HERC2: variants seen among roughly 807,000 people sequenced by gnomAD.
HERC2 encodes the protein E3 ubiquitin-protein ligase HERC2.
In HERC2, 102 loss-of-function variants were observed where a neutral mutation model predicts 537.7. The ratio of observed to expected loss-of-function variants is 0.19; its 90% CI spans 0.16 to 0.22. HERC2 has a LOEUF of 0.22. Ranked by LOEUF, HERC2 falls within the 10% of genes least tolerant of loss-of-function variation. The probability of loss-of-function intolerance (pLI) is 1.00; values close to 1 mark genes in which losing one functional copy is unlikely to be tolerated. For missense variants in HERC2, 4,236 were observed against 6,198.2 expected (o/e 0.68, Z 10.63); for synonymous variants, 2,224 against 2,466.2 (o/e 0.90, Z 2.91).
At chr15:28,220,410 T>G in intron 37 of HERC2, 42 bp downstream of exon 37, 11 of 1,578,006 alleles carry the variant, frequency 7.0e-6, no homozygotes, top group Non-Finnish European at 8.7e-6. Context: ...CCTGGACAGT[T>G]TGTGGGCTGC....
chr15:28,312,939 C>G (rs149570373), intron 2 of HERC2: 10,514 of 163,384 alleles, frequency 0.064, 686 homozygotes, highest in African/African-American at 0.24. Flanking sequence ...GAGGCAGTAA[C>G]AGGCTCACTT....
chr15:28,247,421 C>CTTTTTTTTTTTTTTTTTTT (rs71132843), intron 21 of HERC2, among the ~76,000 whole-genome samples: 1 of 76,180 alleles, frequency 1.3e-5, no homozygotes, highest in African/African-American at 5.2e-5. Flanking sequence ...CTACATGGTT[C>CTTTTTTTTTTTTTTTTTTT]TTTTTTTTTT....
chr15:28,218,780 T>G (rs1417983024), intron 37 of HERC2, 109 bp from the exon 38 acceptor site: 2 of 971,022 alleles, frequency 2.1e-6, no homozygotes, highest in African/African-American at 3.2e-5. Context: ...ATTGAAGACT[T>G]GAATTTTAGT....
In HERC2 at chr15:28,222,180, C is replaced by T. The variant is rs1306531255; in HGVS notation, c.5500G>A (p.Ala1834Thr). The change falls in exon 36 of 93, where the codon GCT becomes ACT. Residue 1834 changes from alanine to threonine, a missense_variant. This residue lies in a region of HERC2 where 343 missense variants were observed against 417.2 expected (regional missense o/e 0.82). Coordinates refer to ENST00000261609, the MANE Select transcript of HERC2 (RefSeq NM_004667.6). Reference sequence around the variant, plus strand: ...GTGGCAGAAGCACCTTGAGCAGAAGCATTCATATCTTCCTCAACGTTGTCA... The same window carrying T: ...GTGGCAGAAGCACCTTGAGCAGAAGTATTCATATCTTCCTCAACGTTGTCA... ...SCDNVEEDMN[A>T]SAQGASATVL... is the part of the protein sequence containing the mutation. 1.3e-6 allele frequency: 2 copies of T among 1,591,090 alleles called. No homozygotes were observed. The highest frequency in any genetic ancestry group is 2.2e-5 in the East Asian group (1 of 44,852).
chr15:28,146,066 T>A (rs1891698857), intron 71 of HERC2, among the ~76,000 whole-genome samples, 171 bp downstream of exon 71: 1 of 152,198 alleles, frequency 6.6e-6, no homozygotes, highest in African/African-American at 2.4e-5. Flanking sequence ...TTTAAAAGTA[T>A]GGGAAAGAGG....
At chr15:28,224,213 A>G (rs1900858880) in intron 35 of HERC2, among the ~76,000 whole-genome samples, 1 of 151,442 alleles carries the variant, frequency 6.6e-6, no homozygotes. Flanking sequence ...AGATAGAAAG[A>G]TTCCCCCCAC....
At chr15:28,258,470 C>A (rs2075327812) in intron 16 of HERC2, among the ~76,000 whole-genome samples, 1 of 151,776 alleles carries the variant, frequency 6.6e-6, no homozygotes, top group African/African-American at 2.4e-5. Context: ...AAAACTCCAT[C>A]TCAAAATAAT....
rs988689385 is a variant in HERC2 at position 28,177,358 on chromosome 15, C to A, written c.9254+61G>T. The A allele has an allele frequency of 5.3e-6, 8 of 1,499,336 alleles. No individual in the cohort carries two copies. In the Admixed American group the frequency reaches 1.4e-4, roughly 25 times the overall value. The allele number at this position is 1,499,336 out of a possible 1,614,324, so 92.9% of individuals were successfully genotyped here. ...TTCTAATTTTCTGCAAAATAATTCTCAAGAGTATCAGTCAGAAACAGTTTC... is the reference window on the plus strand; with the variant it reads ...TTCTAATTTTCTGCAAAATAATTCTAAAGAGTATCAGTCAGAAACAGTTTC... On this transcript the variant is annotated intron_variant, in intron 60 of 92. Transcript: ENST00000261609. The surrounding 1 kb of genome is among the most constrained non-coding windows in gnomAD (Gnocchi z 5.0).
chr15:28,144,688 T>C lies in HERC2; in HGVS notation c.11125A>G (p.Ile3709Val), dbSNP rs749282697. Residue 3709 changes from isoleucine (I) to valine (V), a missense_variant, in exon 72 of 93, where the codon ATC becomes GTC. Physicochemically the swap from Ile to Val is conservative, Grantham distance 29. Around this residue, in one of 27 missense-constraint regions of HERC2, gnomAD observed 109 missense variants for 133.5 expected, o/e 0.82. Transcript: ENST00000261609. ...CCTTCCTTACCAGCAGCTGGCATGATGGGATAGACGGTGAAGCGCCAGCCC... is the reference window on the plus strand; with the variant it reads ...CCTTCCTTACCAGCAGCTGGCATGACGGGATAGACGGTGAAGCGCCAGCCC... ...GWGWRFTVYPIMPAAGPKELL... is the reference protein window; with the variant it reads ...GWGWRFTVYPVMPAAGPKELL... 2 of 1,614,184 alleles carry C rather than the reference T, an allele frequency of 1.2e-6. 1 individual carries two copies. The highest frequency in any genetic ancestry group is 2.2e-5 in the South Asian group (2 of 91,086).
intron 48 of HERC2, among the ~76,000 whole-genome samples, chr15:28,199,650 G>T (rs1897703380): frequency 6.6e-6 from 1 of 152,134 alleles, no homozygotes; most frequent in Non-Finnish European, 1.5e-5. Flanking sequence ...GCTATGAGAT[G>T]GATAATTAAT....
intron 5 of HERC2, 90 bp downstream of exon 5, chr15:28,279,978 C>A: frequency 1.1e-6 from 1 of 926,334 alleles, no homozygotes; most frequent in South Asian, 1.7e-5. Context: ...TGAAGACAGC[C>A]TATATTGAAA....
chr15:28,153,755 T>A (rs1892700308), intron 69 of HERC2, among the ~76,000 whole-genome samples: 1 of 152,146 alleles, frequency 6.6e-6, no homozygotes, highest in South Asian at 2.1e-4. Flanking sequence ...ATAGCTTCAT[T>A]TTACACCAAG....
intron 2 of HERC2, among the ~76,000 whole-genome samples, chr15:28,310,308 G>A (rs2076906388): frequency 1.3e-5 from 2 of 152,044 alleles, no homozygotes; most frequent in Admixed American, 1.3e-4. Flanking sequence ...TTAGCCAGAG[G>A]TGGTGGCGCG....
intron 55 of HERC2, 104 bp from the exon 56 acceptor site, chr15:28,186,856 G>C: frequency 2.9e-6 from 2 of 695,160 alleles, no homozygotes; most frequent in East Asian, 2.6e-5. Context: ...CACACGGTTA[G>C]AGCTCCTTTA....
At chr15:28,308,471 A>C (rs1004342240) in intron 2 of HERC2, among the ~76,000 whole-genome samples, 2 of 152,222 alleles carry the variant, frequency 1.3e-5, no homozygotes, top group Non-Finnish European at 2.9e-5. Flanking sequence ...GGTTTTTCCA[A>C]ATATAAGATC....
At chr15:28,194,814 G>A (rs527561706) in intron 52 of HERC2, among the ~76,000 whole-genome samples, 24 of 152,194 alleles carry the variant, frequency 1.6e-4, no homozygotes, top group Non-Finnish European at 3.1e-4. Flanking sequence ...CCAGCACTTT[G>A]GGAGACTGAG....
intron 69 of HERC2, among the ~76,000 whole-genome samples, chr15:28,157,866 T>C (rs1439292493): frequency 3.3e-5 from 5 of 152,218 alleles, no homozygotes; most frequent in Non-Finnish European, 5.9e-5. Context: ...CTGCTTTCTC[T>C]TGTGGGCATT....
chr15:28,162,015 A>G (rs1313488762), intron 69 of HERC2, among the ~76,000 whole-genome samples: 1 of 152,236 alleles, frequency 6.6e-6, no homozygotes, highest in Non-Finnish European at 1.5e-5. Flanking sequence ...AAAAATGTAA[A>G]CAATACATGA....
At chr15:28,170,286 T>C (rs559252334) in intron 65 of HERC2, among the ~76,000 whole-genome samples, 3 of 152,272 alleles carry the variant, frequency 2.0e-5, no homozygotes, top group East Asian at 3.9e-4. Flanking sequence ...ATTTCAAAAG[T>C]TGTAATACCA....
Sources: allele counts gnomAD v4.1 joint callset (sites outside exome capture counted in the v4.1 genomes callset), GRCh38; gene constraint gnomAD v4.1.1; regional missense constraint gnomAD v4.1.1; non-coding constraint Gnocchi (gnomAD v3.1); transcripts MANE v1.5; gene names NCBI Gene and HGNC (gene_info 2026-07-23, HGNC 2026-07-21).